Variants in CRBN observed in about 807,000 individuals in gnomAD.
The protein encoded by CRBN is protein cereblon.
A neutral mutation model predicts 62.2 loss-of-function variants in CRBN; 53 were observed. The ratio of observed to expected loss-of-function variants is 0.85; its 90% confidence interval spans 0.68 to 1.07. The LOEUF (loss-of-function observed/expected upper bound fraction) is 1.07. Among genes scored for constraint, CRBN ranks in the 50% least tolerant of loss-of-function variants. The pLI, the probability that CRBN is intolerant of heterozygous loss-of-function variation, is 0.00. For missense variants in CRBN, 616 were observed against 531.1 expected, an observed-to-expected ratio of 1.16 and a Z score of -1.57; for synonymous variants, 208 against 176.1, an observed-to-expected ratio of 1.18 and a Z score of -1.43.
intron 4 of CRBN, chr3:3,172,431 G>C: frequency 3.2e-6 from 1 of 308,314 alleles, no homozygotes; most frequent in South Asian, 3.3e-5. Context: ...CAATCCTAAA[G>C]AAGCCAAATC....
intron 3 of CRBN, 90 bp downstream of exon 3, chr3:3,173,969 C>G (rs928391562): frequency 1.2e-5 from 14 of 1,137,488 alleles, no homozygotes; most frequent in Non-Finnish European, 1.9e-5. Context: ...CCTGTACATG[C>G]GAAATAACAG....
chr3:3,161,371 C>CT (rs1559248323), intron 5 of CRBN, among the ~76,000 whole-genome samples: 1 of 152,210 alleles, frequency 6.6e-6, no homozygotes, highest in Non-Finnish European at 1.5e-5. Context: ...ATATATTTCA[C>CT]TTATCAGATC....
chr3:3,174,345 T>G, intron 2 of CRBN, 84 bp from the exon 3 acceptor site: 1 of 1,111,724 alleles, frequency 9.0e-7, no homozygotes, highest in Non-Finnish European at 1.3e-6. Flanking sequence ...GCAAATCACA[T>G]TAAAAGAAAT....
chr3:3,158,532 T>C (rs17029906), intron 5 of CRBN, among the ~76,000 whole-genome samples: 2,946 of 152,290 alleles, frequency 0.019, 89 homozygotes, highest in African/African-American at 0.066. Context: ...GGTAAGATTA[T>C]TGTCACAGTC....
At chr3:3,178,017 C>CAA (rs3840223) in intron 1 of CRBN, among the ~76,000 whole-genome samples, 1,967 of 133,520 alleles carry the variant, frequency 0.015, 23 homozygotes, top group Non-Finnish European at 0.018. Flanking sequence ...ACAAAACAAA[C>CAA]AAAAAAAAAA....
chr3:3,169,582 T>C (rs1391800429), intron 4 of CRBN, among the ~76,000 whole-genome samples: 1 of 152,212 alleles, frequency 6.6e-6, no homozygotes, highest in Non-Finnish European at 1.5e-5. Context: ...CTGTGGATAA[T>C]GTACAATGAA....
chr3:3,170,663 G>T (rs891773614), intron 4 of CRBN, among the ~76,000 whole-genome samples: 6 of 152,178 alleles, frequency 3.9e-5, no homozygotes, highest in African/African-American at 1.4e-4. Context: ...GAGAAGTAGT[G>T]GAGCCAAGAG....
Position 3,166,054 on chromosome 3 carries a change from G to A in CRBN, c.687+1580C>T, listed in dbSNP as rs139153088. Reference sequence around the variant, plus strand: ...AGTTAAAAGAAACAAGGGTAAACATGTATTTAAAGTGTCTGTATCTGGTAT... The same window carrying A: ...AGTTAAAAGAAACAAGGGTAAACATATATTTAAAGTGTCTGTATCTGGTAT... On this transcript the variant is annotated intron_variant, in intron 5 of 10. Coordinates refer to ENST00000231948, the MANE Select transcript of CRBN (RefSeq NM_016302.4). Among the ~76,000 whole-genome samples the A allele has an allele frequency of 1.0e-3, 156 of 152,282 alleles. 1 individual carries two copies. Among genetic ancestry groups the A allele is most frequent in the African/African-American group, 3.7e-3 (152 of 41,548 alleles).
chr3:3,177,960 C>T (rs1334564680), intron 1 of CRBN, among the ~76,000 whole-genome samples: 2 of 151,818 alleles, frequency 1.3e-5, no homozygotes, highest in Non-Finnish European at 2.9e-5. Flanking sequence ...ATATCTACAC[C>T]ATCTCTGGGC....
At chr3:3,173,201 G>A (rs763047641) in intron 3 of CRBN, among the ~76,000 whole-genome samples, 7 of 152,078 alleles carry the variant, frequency 4.6e-5, no homozygotes, top group Non-Finnish European at 8.8e-5. Flanking sequence ...GGGATTACAG[G>A]CACATACCAC....
At chr3:3,178,155 A>C (rs2126071515) in intron 1 of CRBN, among the ~76,000 whole-genome samples, 1 of 152,316 alleles carries the variant, frequency 6.6e-6, no homozygotes, top group Admixed American at 6.5e-5. Context: ...ATTCTCCCTG[A>C]AACACCGGAT....
chr3:3,168,478 C>A (rs2126064773), intron 4 of CRBN, among the ~76,000 whole-genome samples: 1 of 152,226 alleles, frequency 6.6e-6, no homozygotes, highest in Middle Eastern at 3.4e-3. Flanking sequence ...TGAACTAGTG[C>A]AAACAGGAAG....
intron 6 of CRBN, chr3:3,155,810 CT>C: frequency 6.3e-6 from 1 of 159,464 alleles, no homozygotes; most frequent in African/African-American, 2.4e-5. Flanking sequence ...CTTGTGATAC[CT>C]TTTTTTTTCC....
chr3:3,160,140 A>C (rs762969226), intron 5 of CRBN, among the ~76,000 whole-genome samples: 4 of 152,188 alleles, frequency 2.6e-5, no homozygotes, highest in Admixed American at 6.5e-5. Context: ...TCCATTCTTA[A>C]GCCTCATAAC....
At chr3:3,156,141 T>C (rs754167043) in intron 6 of CRBN, 78 bp downstream of exon 6, 37 of 1,251,196 alleles carry the variant, frequency 3.0e-5, no homozygotes, top group Non-Finnish European at 4.3e-5. Flanking sequence ...CTGGAAAAAC[T>C]AAACCTTTGT....
At chr3:3,168,525 A>G (rs917733487) in intron 4 of CRBN, among the ~76,000 whole-genome samples, 1 of 152,194 alleles carries the variant, frequency 6.6e-6, no homozygotes, top group Non-Finnish European at 1.5e-5. Context: ...GAGGCATTCT[A>G]TCTCTTAGAG....
intron 10 of CRBN, among the ~76,000 whole-genome samples, chr3:3,151,713 C>T (rs141771761): frequency 6.6e-5 from 10 of 152,290 alleles, no homozygotes; most frequent in African/African-American, 2.4e-4. Context: ...ATACATAGTC[C>T]TAACCCCAGA....
Position 3,152,522 on chromosome 3 carries a change from G to C in CRBN, c.1082C>G (p.Thr361Ser), listed in dbSNP as rs774342557. ...ATTCAAGTTGCAAGCCTTATACACA[G>C]TAAGTGTCTCATGCACATATCCATG... ...NPHGYVHETL[T>S]VYKACNLNLI... The change falls in exon 10 of 11, where the codon ACT (threonine) becomes AGT (serine). Residue 361 changes from threonine to serine, a missense_variant. Transcript: ENST00000231948. The C allele has an allele frequency of 6.2e-7, 1 of 1,613,880 alleles. No individual in the cohort carries two copies. Among genetic ancestry groups the C allele is most frequent in the East Asian group, 2.2e-5 (1 of 44,874 alleles).
rs1707746732 is a variant in CRBN at position 3,174,376 on chromosome 3, C to T, written c.175-115G>A. ...GAAATACAGGCCGGGCACAGTGGCT[C>T]ACACCTGTAATTCCAGCACTTTGGG... is the stretch of plus-strand genomic sequence containing the variant. On this transcript the variant is annotated intron_variant, in intron 2 of 10. Transcript: ENST00000231948. 9.3e-6 allele frequency: 8 copies of T among 856,528 alleles called. No homozygotes were observed. The South Asian group carries it at 1.2e-4, about 13-fold the overall frequency. The allele number at this position is 856,528 out of a possible 1,614,324, so 53.1% of individuals were successfully genotyped here. A position where few individuals can be genotyped will look rare whatever the true frequency, so the allele number is the denominator to read the frequency against.
Sources: gnomAD v4.1 joint callset for allele counts (sites outside exome capture counted in the v4.1 genomes callset) on GRCh38, gnomAD v4.1.1 for gene constraint, MANE v1.5 for transcripts, NCBI Gene and HGNC (gene_info 2026-07-23, HGNC 2026-07-21) for gene names.